Variants in CACHD1 observed in about 807,000 individuals in gnomAD.
CACHD1 encodes the protein VWFA and cache domain-containing protein 1.
CACHD1 carries 71 observed loss-of-function variants against 138.7 expected under a neutral mutation model. The ratio of observed to expected loss-of-function variants is 0.51; its 90% CI spans 0.42 to 0.62. CACHD1 has a LOEUF of 0.62. CACHD1 is among the 20% of genes least tolerant of loss of function. CACHD1 has a pLI of 0.00. For missense variants in CACHD1, 1,389 were observed against 1,625.3 expected, an observed-to-expected ratio of 0.85 and a Z score of 2.50; for synonymous variants, 578 against 591.5, an observed-to-expected ratio of 0.98 and a Z score of 0.33.
intron 1 of CACHD1, chr1:64,506,391 A>G (rs1646377036): frequency 6.6e-6 from 1 of 152,134 alleles, no homozygotes; most frequent in African/African-American, 2.4e-5. Context: ...TCACAACCAC[A>G]CTCAACGACG....
rs1455612820 is a variant in CACHD1, at chr1:64,470,506, G to A, written c.-239G>A. On this transcript the variant is annotated 5_prime_UTR_variant, in exon 1 of 27. Transcript: ENST00000651257. This position sits in a 1 kb window ranked among gnomAD's most constrained non-coding sequence, Gnocchi z 5.2. ...GTGTGGGCGCCGGGCTCCGGGGACC[G>A]CTCGGGCGGCCGCCTCCTACCCCCA... Among the ~76,000 whole-genome samples the A allele has an allele frequency of 1.3e-5, 2 of 151,338 alleles. No individual in the cohort carries two copies. Among genetic ancestry groups the A allele is most frequent in the African/African-American group, 4.8e-5 (2 of 41,290 alleles).
intron 22 of CACHD1, 127 bp downstream of exon 22, chr1:64,677,138 G>C (rs1054099658): frequency 1.4e-6 from 1 of 714,106 alleles, no homozygotes; most frequent in Admixed American, 2.7e-5. Flanking sequence ...TTACCCACCA[G>C]ATTAAATGTT....
At chr1:64,520,932 A>T (rs1268199616) in intron 1 of CACHD1, among the ~76,000 whole-genome samples, 1 of 152,204 alleles carries the variant, frequency 6.6e-6, no homozygotes, top group Non-Finnish European at 1.5e-5. Flanking sequence ...CTCTACAGGT[A>T]GGTTTATCTC....
chr1:64,652,088 C>G (rs376296217), intron 9 of CACHD1, 73 bp from the exon 10 acceptor site: 7 of 1,328,422 alleles, frequency 5.3e-6, no homozygotes, highest in African/African-American at 1.5e-5. Context: ...CATGATTCAC[C>G]GGAGCACAGT....
In CACHD1 at chr1:64,676,947, C is replaced by A; in HGVS notation, c.3028C>A (p.Pro1010Thr). 2 of 1,614,008 alleles carry A rather than the reference C, an allele frequency of 1.2e-6. No homozygotes were observed. The highest frequency in any genetic ancestry group is 1.7e-6 in the Non-Finnish European group (2 of 1,179,940). ...QEPVTYTAID[P>T]GLQDALHQCV... ...GCCGGTGACATACACAGCTATTGAC[C>A]CTGGCCTGCAAGATGCTCTTCACCA... Residue 1010 changes from proline to threonine, a missense_variant, in exon 22 of 27, where the codon CCT becomes ACT. This residue lies in a region of CACHD1 where 250 missense variants were observed against 292.9 expected (regional missense o/e 0.85). Coordinates refer to ENST00000651257, the MANE Select transcript of CACHD1 (RefSeq NM_020925.4).
chr1:64,691,345 G>A lies in CACHD1; in HGVS notation c.3609G>A (p.Gln1203=). The A allele has an allele frequency of 1.2e-6, 2 of 1,614,064 alleles. No homozygotes were observed. Among genetic ancestry groups the A allele is most frequent in the Non-Finnish European group, 1.7e-6 (2 of 1,180,008 alleles). ...TAGGTTACAGCACCATGAGCCCACAGGAGGACAGTGAAAATCCTCCATGCA... is the reference window on the plus strand; with the variant it reads ...TAGGTTACAGCACCATGAGCCCACAAGAGGACAGTGAAAATCCTCCATGCA... ...SDHGYSTMSP[Q]EDSENPPCNN... Residue 1203 remains glutamine (Q), a synonymous_variant, in exon 27 of 27, where the codon CAG becomes CAA. Coordinates refer to ENST00000651257, the MANE Select transcript of CACHD1 (RefSeq NM_020925.4).
At chr1:64,539,693 A>G (rs1348292272) in intron 1 of CACHD1, among the ~76,000 whole-genome samples, 1 of 152,208 alleles carries the variant, frequency 6.6e-6, no homozygotes, top group Non-Finnish European at 1.5e-5. Context: ...CCTCTCTTGT[A>G]TCTCTAGGGT....
intron 4 of CACHD1, among the ~76,000 whole-genome samples, chr1:64,623,973 C>T (rs763383051): frequency 1.1e-4 from 16 of 152,144 alleles, no homozygotes; most frequent in South Asian, 4.1e-4. Context: ...CCAAGTTATC[C>T]GGTGGCTAGA....
intron 13 of CACHD1, among the ~76,000 whole-genome samples, chr1:64,661,956 T>A (rs913703149): frequency 6.6e-6 from 1 of 152,108 alleles, no homozygotes; most frequent in Admixed American, 6.5e-5. Flanking sequence ...TTGGAAAGCA[T>A]CAGAGCTAAC....
chr1:64,557,523 G>A (rs543760619), intron 2 of CACHD1, among the ~76,000 whole-genome samples: 22 of 152,226 alleles, frequency 1.4e-4, no homozygotes, highest in African/African-American at 4.8e-4. Flanking sequence ...TACAGGAGAC[G>A]TACCTGACAT....
chr1:64,477,634 AT>A lies in CACHD1; in HGVS notation c.198+6703del, dbSNP rs1038287180. On this transcript the variant is annotated intron_variant, in intron 1 of 26. Transcript: ENST00000651257. ...ATTATTATTATTATTATTTTATTTTATTTTTTTTTTTGAGACGGAGTCTCGC... is the reference window on the plus strand; with the variant it reads ...ATTATTATTATTATTATTTTATTTTATTTTTTTTTTGAGACGGAGTCTCGC... 2.2e-3 allele frequency among the ~76,000 whole-genome samples: 284 copies of A among 131,798 alleles called. 3 individuals carry two copies. Among genetic ancestry groups the A allele is most frequent in the Middle Eastern group, 4.2e-3 (1 of 240 alleles). 86.5% of individuals were successfully genotyped at this position (131,798 alleles called of 152,430 possible).
At chr1:64,674,856 G>A (rs974342613) in intron 19 of CACHD1, among the ~76,000 whole-genome samples, 5 of 152,138 alleles carry the variant, frequency 3.3e-5, no homozygotes, top group African/African-American at 1.2e-4. Flanking sequence ...TCTTGTTATG[G>A]AATGAAGAAA....
At chr1:64,678,343 C>G in intron 23 of CACHD1, 33 bp downstream of exon 23, 1 of 1,519,956 alleles carries the variant, frequency 6.6e-7, no homozygotes. Context: ...CAATTTGATT[C>G]TTGAATATAC....
intron 2 of CACHD1, among the ~76,000 whole-genome samples, chr1:64,564,601 C>G (rs763755078): frequency 2.0e-5 from 3 of 152,166 alleles, no homozygotes; most frequent in Non-Finnish European, 4.4e-5. Flanking sequence ...GCCATTTTCT[C>G]TCCCCTGCAG....
rs1646287191 is a variant in CACHD1, at chr1:64,492,994, G to A, written c.198+22052G>A. Among the ~76,000 whole-genome samples the A allele has an allele frequency of 2.6e-5, 4 of 152,214 alleles. No individual in the cohort carries two copies. In the South Asian group the frequency reaches 8.3e-4, roughly 32 times the overall value. ...GGCCAAAACTAGGCCCTCAGTAAGT[G>A]CTGAAGGAATGAATGAATGAATTTG... On this transcript the variant is annotated intron_variant, in intron 1 of 26. Coordinates refer to ENST00000651257, the MANE Select transcript of CACHD1 (RefSeq NM_020925.4).
intron 15 of CACHD1, among the ~76,000 whole-genome samples, 175 bp downstream of exon 15, chr1:64,664,854 T>G (rs1649577094): frequency 6.6e-6 from 1 of 152,010 alleles, no homozygotes; most frequent in South Asian, 2.1e-4. Context: ...CTTTGTGGGG[T>G]TTTTTCTATC....
chr1:64,685,589 C>T (rs1650341987), intron 26 of CACHD1, among the ~76,000 whole-genome samples: 1 of 152,028 alleles, frequency 6.6e-6, no homozygotes, highest in Non-Finnish European at 1.5e-5. Flanking sequence ...CCTTAGTGAG[C>T]TACCTTAGAC....
Position 64,679,753 on chromosome 1 carries a change from C to T in CACHD1, c.3403C>T (p.Gln1135Ter), listed in dbSNP as rs1343880519. 6.2e-7 allele frequency: 1 copy of T among 1,613,396 alleles called. No individual in the cohort carries two copies. The highest frequency in any genetic ancestry group is 1.7e-5 in the Admixed American group (1 of 60,010). ...SHQHMSPLAA[Q>*]EMSVRMSNLE... is the part of the protein sequence containing the mutation. ...TCAGCATATGTCTCCTCTTGCTGCCCAAGGTGAGCTCAAAATGAACCCCAC... is the reference window on the plus strand; with the variant it reads ...TCAGCATATGTCTCCTCTTGCTGCCTAAGGTGAGCTCAAAATGAACCCCAC... Residue 1135 changes from glutamine (Q) to a stop codon, truncating the protein, a stop_gained, in exon 24 of 27, where the codon CAA (glutamine) becomes TAA (stop). Coordinates refer to ENST00000651257, the MANE Select transcript of CACHD1 (RefSeq NM_020925.4). LOFTEE classifies it high-confidence loss of function.
intron 1 of CACHD1, among the ~76,000 whole-genome samples, chr1:64,505,028 C>A (rs10458572): frequency 0.5 from 75,546 of 152,014 alleles, 20,682 homozygotes; most frequent in East Asian, 0.76. Flanking sequence ...AAACTTTTTT[C>A]TGGAAATAAT....
Sources: gnomAD v4.1 joint callset for allele counts (sites outside exome capture counted in the v4.1 genomes callset) on GRCh38, gnomAD v4.1.1 for gene constraint, gnomAD v4.1.1 regional missense constraint, Gnocchi (gnomAD v3.1) non-coding constraint, MANE v1.5 for transcripts, NCBI Gene and HGNC (gene_info 2026-07-23, HGNC 2026-07-21) for gene names.